HIVEP3: variants seen among roughly 807,000 people sequenced by gnomAD.
HIVEP3 encodes the protein transcription factor HIVEP3.
A neutral mutation model predicts 152.8 loss-of-function variants in HIVEP3; 49 were observed. The ratio of observed to expected loss-of-function variants is 0.32; its 90% CI spans 0.26 to 0.41. The LOEUF is 0.41. Ranked by LOEUF, HIVEP3 falls within the 10% of genes least tolerant of loss-of-function variation. The pLI, the probability that HIVEP3 is intolerant of heterozygous loss-of-function variation, is 1.00. For missense variants in HIVEP3, 2,790 were observed against 3,103.3 expected, an observed-to-expected ratio of 0.90 and a Z score of 2.40; for synonymous variants, 1,269 against 1,289.0, an observed-to-expected ratio of 0.98 and a Z score of 0.33.
intron 1 of HIVEP3, among the ~76,000 whole-genome samples, chr1:41,834,013 C>T (rs1643045121): frequency 6.6e-6 from 1 of 152,136 alleles, no homozygotes; most frequent in African/African-American, 2.4e-5. Flanking sequence ...TGCTTTCCTA[C>T]CTGTAAGAGG....
intron 1 of HIVEP3, among the ~76,000 whole-genome samples, chr1:41,897,957 G>GAC (rs1403756911): frequency 2.1e-5 from 3 of 142,770 alleles, no homozygotes; most frequent in East Asian, 2.0e-4. Context: ...GAGAGAGAGA[G>GAC]AGAGAGAGAG....
intron 1 of HIVEP3, among the ~76,000 whole-genome samples, chr1:41,993,085 A>G (rs1645373273): frequency 6.6e-6 from 1 of 151,056 alleles, no homozygotes; most frequent in African/African-American, 2.4e-5. Flanking sequence ...GGACATAGGC[A>G]TGGGCAAGGA....
At chr1:41,961,243 C>T (rs1645167965) in intron 1 of HIVEP3, among the ~76,000 whole-genome samples, 1 of 152,222 alleles carries the variant, frequency 6.6e-6, no homozygotes, top group Non-Finnish European at 1.5e-5. Context: ...CCAGCTCCAA[C>T]CATCATCAGA....
intron 3 of HIVEP3, among the ~76,000 whole-genome samples, chr1:41,626,294 G>A (rs1335581575): frequency 6.6e-6 from 1 of 152,216 alleles, no homozygotes; most frequent in African/African-American, 2.4e-5. Flanking sequence ...CAGTGGCCGT[G>A]ATCACCTGGA....
intron 1 of HIVEP3, among the ~76,000 whole-genome samples, chr1:42,000,084 G>C (rs1557556419): frequency 6.6e-6 from 1 of 152,176 alleles, no homozygotes; most frequent in Non-Finnish European, 1.5e-5. Flanking sequence ...TTCAGCTAAA[G>C]CTGGACCTAG....
At chr1:41,753,844 T>G (rs892323322) in intron 1 of HIVEP3, among the ~76,000 whole-genome samples, 3 of 152,006 alleles carry the variant, frequency 2.0e-5, no homozygotes, top group Non-Finnish European at 2.9e-5. Flanking sequence ...CAGCAGCCGG[T>G]GAATGAATGA....
In HIVEP3 at chr1:42,034,215, G is replaced by T. The variant is rs77523860; in HGVS notation, n.119+1592C>A. The stretch of plus-strand genomic sequence containing the variant: ...TGTAATCATTACTACAGGAAGGAAT[G>T]ACCTCATAAAGACCTCATACATCAG... On this transcript the variant is annotated intron_variant and non_coding_transcript_variant, in intron 1 of 3. Coordinates refer to the HIVEP3 transcript ENST00000489103. Among the ~76,000 whole-genome samples the T allele has an allele frequency of 7.4e-3, 1,134 of 152,280 alleles. 13 individuals are homozygous for T. Among genetic ancestry groups the T allele is most frequent in the African/African-American group, 0.026 (1,098 of 41,548 alleles).
At chr1:41,631,306 C>A (rs1056760807) in intron 2 of HIVEP3, among the ~76,000 whole-genome samples, 1 of 152,138 alleles carries the variant, frequency 6.6e-6, no homozygotes, top group African/African-American at 2.4e-5. Flanking sequence ...CTTGCTGTGC[C>A]TGGCAAGTGG....
intron 2 of HIVEP3, among the ~76,000 whole-genome samples, chr1:41,657,297 A>G (rs1211863363): frequency 6.6e-6 from 1 of 152,204 alleles, no homozygotes; most frequent in African/African-American, 2.4e-5. Flanking sequence ...TGATATCCAA[A>G]GCTCACATCC....
intron 1 of HIVEP3, among the ~76,000 whole-genome samples, chr1:42,031,051 C>T (rs1407958264): frequency 6.6e-6 from 1 of 152,224 alleles, no homozygotes; most frequent in Non-Finnish European, 1.5e-5. Flanking sequence ...AGGGTTCATG[C>T]GCCCTCAAAG....
intron 1 of HIVEP3, among the ~76,000 whole-genome samples, chr1:42,007,452 C>T (rs151016815): frequency 1.3e-5 from 2 of 152,318 alleles, no homozygotes; most frequent in African/African-American, 4.8e-5. Flanking sequence ...TTATTGAAGG[C>T]AGCACAGTCT....
At chr1:41,756,386 C>T (rs1451833358) in intron 1 of HIVEP3, among the ~76,000 whole-genome samples, 2 of 152,166 alleles carry the variant, frequency 1.3e-5, no homozygotes, top group Non-Finnish European at 2.9e-5. Context: ...GATGAAGTAA[C>T]GTGATAAAAT....
chr1:41,781,895 C>G (rs1407142441), intron 1 of HIVEP3, among the ~76,000 whole-genome samples: 1 of 152,236 alleles, frequency 6.6e-6, no homozygotes, highest in Non-Finnish European at 1.5e-5. Flanking sequence ...TAAGGTGTCT[C>G]TCCTCTGCTC....
At chr1:41,838,476 C>T (rs1643192022) in intron 1 of HIVEP3, among the ~76,000 whole-genome samples, 1 of 152,072 alleles carries the variant, frequency 6.6e-6, no homozygotes, top group Non-Finnish European at 1.5e-5. Flanking sequence ...TTGGCTGCCT[C>T]ATATCCGCTT....
intron 2 of HIVEP3, among the ~76,000 whole-genome samples, chr1:41,658,899 C>G (rs542989269): frequency 6.6e-6 from 1 of 152,174 alleles, no homozygotes; most frequent in African/African-American, 2.4e-5. Flanking sequence ...AACAGAGCAT[C>G]GAATTCTATA....
intron 1 of HIVEP3, among the ~76,000 whole-genome samples, chr1:41,882,873 A>G (rs1262407503): frequency 6.6e-6 from 1 of 152,214 alleles, no homozygotes. Context: ...AGGATTTCCT[A>G]TACTGCCACT....
chr1:41,529,560 C>A lies in HIVEP3; in HGVS notation c.5208-4650G>T, dbSNP rs1237482812. Among the ~76,000 whole-genome samples the A allele has an allele frequency of 2.2e-5, 3 of 138,238 alleles. No homozygotes were observed. In the East Asian group the frequency reaches 6.7e-4, roughly 31 times the overall value. 90.7% of individuals were successfully genotyped at this position (138,238 alleles called of 152,430 possible). Reference sequence around the variant, plus strand: ...CACACCCGACTCTCCTCCCCCCACACCCCACCCTCACACATACGTCCCCAC... The same window carrying A: ...CACACCCGACTCTCCTCCCCCCACAACCCACCCTCACACATACGTCCCCAC... On this transcript the variant is annotated intron_variant, in intron 5 of 8. Coordinates refer to ENST00000372583, the MANE Select transcript of HIVEP3 (RefSeq NM_024503.5).
chr1:41,980,881 C>T (rs1003123629), intron 1 of HIVEP3, among the ~76,000 whole-genome samples: 3 of 152,178 alleles, frequency 2.0e-5, no homozygotes, highest in Non-Finnish European at 2.9e-5. Context: ...GAACAGTCTC[C>T]TTGGAGCAGA....
At chr1:41,696,673 C>G (rs914928630) in intron 2 of HIVEP3, among the ~76,000 whole-genome samples, 1 of 152,102 alleles carries the variant, frequency 6.6e-6, no homozygotes, top group Non-Finnish European at 1.5e-5. Flanking sequence ...AGCACAGAGA[C>G]AGACGGCCCT....
Sources: allele counts gnomAD v4.1 joint callset (sites outside exome capture counted in the v4.1 genomes callset), GRCh38; gene constraint gnomAD v4.1.1; transcripts MANE v1.5; gene names NCBI Gene and HGNC (gene_info 2026-07-23, HGNC 2026-07-21).